Variants in TMEM17 observed in about 807,000 individuals in gnomAD.
TMEM17 encodes transmembrane protein 17.
A neutral mutation model predicts 19.1 loss-of-function variants in TMEM17; 15 were observed. That is an observed-to-expected ratio of 0.78 (90% confidence interval 0.52 to 1.21). The LOEUF is 1.21. Among genes scored for constraint, TMEM17 ranks in the 50% most tolerant of loss-of-function variants. TMEM17 has a pLI of 0.00. For missense variants in TMEM17, 245 were observed against 242.3 expected (o/e 1.01, Z -0.07); for synonymous variants, 103 against 86.9 (o/e 1.19, Z -1.03).
chr2:62,487,733 C>CGCCCA, the TMEM17 span, among the ~76,000 whole-genome samples: 1 of 152,232 alleles, frequency 6.6e-6, no homozygotes, highest in African/African-American at 2.4e-5. Flanking sequence ...CTCGCTCTGT[C>CGCCCA]GCCCAGGCTG....
chr2:62,477,047 C>T, the TMEM17 span, among the ~76,000 whole-genome samples: 1 of 152,140 alleles, frequency 6.6e-6, no homozygotes, highest in African/African-American at 2.4e-5. Flanking sequence ...GGATAGTCAA[C>T]ATACGGTGTG....
At chr2:62,480,279 TTGAGA>T in the TMEM17 span, among the ~76,000 whole-genome samples, 2 of 152,134 alleles carry the variant, frequency 1.3e-5, no homozygotes, top group Non-Finnish European at 2.9e-5. Context: ...TTTTTTTCCG[TTGAGA>T]TATTTGAGTT....
chr2:62,497,606 CTG>C (rs533227840), downstream of TMEM17, among the ~76,000 whole-genome samples: 56 of 152,330 alleles, frequency 3.7e-4, no homozygotes, highest in South Asian at 0.011. Context: ...TGTCTCTTCT[CTG>C]TAATCCTATA....
the TMEM17 span, among the ~76,000 whole-genome samples, chr2:62,475,412 G>A: frequency 5.9e-5 from 9 of 152,242 alleles, no homozygotes; most frequent in South Asian, 2.1e-4. Context: ...GGGAACCTAC[G>A]AGAGTCCCTG....
At chr2:62,480,471 T>G in the TMEM17 span, among the ~76,000 whole-genome samples, 1 of 152,240 alleles carries the variant, frequency 6.6e-6, no homozygotes, top group East Asian at 1.9e-4. Context: ...TTTGAGGTTT[T>G]ACTTAAGAAA....
chr2:62,474,657 G>A, the TMEM17 span, among the ~76,000 whole-genome samples: 1 of 152,096 alleles, frequency 6.6e-6, no homozygotes, highest in Non-Finnish European at 1.5e-5. Flanking sequence ...GAACCCATGG[G>A]AGACACAGCC....
At chr2:62,485,072 G>A in the TMEM17 span, among the ~76,000 whole-genome samples, 72 of 152,306 alleles carry the variant, frequency 4.7e-4, no homozygotes, top group Middle Eastern at 3.4e-3. Flanking sequence ...TGAGTAGCTG[G>A]GACTACAGGT....
At chr2:62,498,640 C>T (rs1267188529), downstream of TMEM17, among the ~76,000 whole-genome samples, 2 of 146,276 alleles carry the variant, frequency 1.4e-5, no homozygotes, top group Non-Finnish European at 1.5e-5. Context: ...GGCGTGAACC[C>T]GGGAGGCGGA....
At chr2:62,472,927 T>C in the TMEM17 span, among the ~76,000 whole-genome samples, 1 of 152,228 alleles carries the variant, frequency 6.6e-6, no homozygotes, top group Non-Finnish European at 1.5e-5. Context: ...CAGCCGTGGC[T>C]GGCCTATTTT....
At chr2:62,502,828 A>C in intron 1 of TMEM17, 34 bp from the exon 2 acceptor site, 2 of 1,411,898 alleles carry the variant, frequency 1.4e-6, no homozygotes, top group Non-Finnish European at 2.0e-6. Flanking sequence ...CAAATGATGA[A>C]TCTTGGGTTT....
At chr2:62,485,563 T>C in the TMEM17 span, among the ~76,000 whole-genome samples, 1 of 152,218 alleles carries the variant, frequency 6.6e-6, no homozygotes. Flanking sequence ...GCCTGTGCTT[T>C]TGACCTTGCT....
the TMEM17 span, among the ~76,000 whole-genome samples, chr2:62,492,906 T>C: frequency 0.67 from 101,983 of 152,146 alleles, 34,569 homozygotes; most frequent in African/African-American, 0.77. Flanking sequence ...GAATGGTGCA[T>C]GGGAAGAACT....
chr2:62,455,719 A>G, the TMEM17 span, among the ~76,000 whole-genome samples: 7 of 152,228 alleles, frequency 4.6e-5, no homozygotes, highest in Non-Finnish European at 1.0e-4. Flanking sequence ...GTGAGCCGAA[A>G]TTGCACCACT....
At chr2:62,489,836 G>A in the TMEM17 span, among the ~76,000 whole-genome samples, 50,396 of 152,082 alleles carry the variant, frequency 0.33, 8,772 homozygotes, top group South Asian at 0.49. Context: ...GTGTTAATAT[G>A]TAAGCCTGTA....
At chr2:62,492,970 C>A in the TMEM17 span, among the ~76,000 whole-genome samples, 2 of 152,054 alleles carry the variant, frequency 1.3e-5, no homozygotes, top group African/African-American at 4.8e-5. Flanking sequence ...TGGAAAGAGG[C>A]CTAATATGCC....
At chr2:62,473,230 C>A in the TMEM17 span, among the ~76,000 whole-genome samples, 1 of 152,168 alleles carries the variant, frequency 6.6e-6, no homozygotes, top group East Asian at 1.9e-4. Context: ...GAAGTAGGTA[C>A]TATTATTAAC....
At chr2:62,453,544 T>A in the TMEM17 span, among the ~76,000 whole-genome samples, 2 of 152,208 alleles carry the variant, frequency 1.3e-5, no homozygotes, top group Non-Finnish European at 2.9e-5. Flanking sequence ...TGTCTTCTGT[T>A]CCTGTTTTGG....
the TMEM17 span, among the ~76,000 whole-genome samples, chr2:62,467,199 C>T: frequency 9.9e-5 from 15 of 152,098 alleles, no homozygotes; most frequent in African/African-American, 2.9e-4. Flanking sequence ...CATTTCCCCC[C>T]GCCCACGCCT....
At chr2:62,484,985 T>C in the TMEM17 span, among the ~76,000 whole-genome samples, 1 of 152,242 alleles carries the variant, frequency 6.6e-6, no homozygotes, top group African/African-American at 2.4e-5. Flanking sequence ...TCACCCAGGC[T>C]GGAGAGCAAT....
Sources: gnomAD v4.1 joint callset for allele counts (sites outside exome capture counted in the v4.1 genomes callset) on GRCh38, gnomAD v4.1.1 for gene constraint, MANE v1.5 for transcripts, NCBI Gene and HGNC (gene_info 2026-07-23, HGNC 2026-07-21) for gene names.